PEG3: variants seen among roughly 807,000 people sequenced by gnomAD.
PEG3 encodes the protein paternally expressed 3.
In PEG3, 23 loss-of-function variants were observed where a neutral mutation model predicts 35.5. The observed-to-expected ratio is 0.65, with a 90% CI of 0.47 to 0.92. The LOEUF (loss-of-function observed/expected upper bound fraction) is 0.92, where lower values mean the gene tolerates loss of function less well. PEG3 is among the 40% of genes least tolerant of loss of function. The pLI is 0.00. For missense variants in PEG3, 1,960 were observed against 1,985.3 expected (o/e 0.99, Z 0.24); for synonymous variants, 707 against 697.0 (o/e 1.01, Z -0.23).
Position 56,824,281 on chromosome 19 carries a change from C to A in PEG3, c.375G>T (p.Lys125Asn), listed in dbSNP as rs1194431417. The change falls in exon 4 of 10, where the codon AAG becomes AAT. Residue 125 changes from lysine (K) to asparagine (N), a missense_variant. Physicochemically the swap from Lys to Asn is moderately conservative, Grantham distance 94. This residue lies in a region of PEG3 where 613 missense variants were observed against 577.1 expected (regional missense o/e 1.06). Transcript: ENST00000326441. The part of the protein sequence containing the change: ...EKLVTLLENY[K>N]EMYQPEDDNN... The stretch of plus-strand genomic sequence containing the variant: ...TCTCACCTTCTGGTTGGTACATCTC[C>A]TTGTAATTCTCCAGCAGAGTGACGA... 7 of 1,613,892 alleles carry A rather than the reference C, an allele frequency of 4.3e-6. No individual in the cohort carries two copies. Among genetic ancestry groups the A allele is most frequent in the Non-Finnish European group, 5.9e-6 (7 of 1,180,016 alleles).
rs181236272 is a variant in PEG3, at chr19:56,819,297, T to A, written c.670-595A>T. On this transcript the variant is annotated intron_variant, in intron 7 of 9. Coordinates refer to ENST00000326441, the MANE Select transcript of PEG3 (RefSeq NM_006210.3). ...TGGCTACATTGAGGGAGTCTCCAGT[T>A]TGCACAATTTCCAAATCACCCAGGA... 3.1e-3 allele frequency among the ~76,000 whole-genome samples: 467 copies of A among 152,348 alleles called. 5 individuals carry two copies. The highest frequency in any genetic ancestry group is 0.025 in the Admixed American group (383 of 15,312).
At position 56,810,304 on chromosome 19, in the gene PEG3, G is replaced by A. The variant is rs2048036483; in HGVS notation, c.*3371C>T. 1.0e-6 allele frequency: 1 copy of A among 981,582 alleles called. No individual in the cohort carries two copies. Among genetic ancestry groups the A allele is most frequent in the Non-Finnish European group, 1.2e-6 (1 of 826,580 alleles). The allele number at this position is 981,582 out of a possible 1,614,324, so 60.8% of individuals were successfully genotyped here. On this transcript the variant is annotated 3_prime_UTR_variant, in exon 10 of 10. Coordinates refer to ENST00000326441, the MANE Select transcript of PEG3 (RefSeq NM_006210.3). The stretch of plus-strand genomic sequence containing the variant: ...CATTTCATATATAATGGAAATATAT[G>A]TAGTAAAGGTGGACTACCAAAACAC...
intron 8 of PEG3, 72 bp downstream of exon 8, chr19:56,818,528 C>T: frequency 6.5e-7 from 1 of 1,539,658 alleles, no homozygotes; most frequent in South Asian, 1.1e-5. Context: ...TAACATCCAG[C>T]TTAAAAAGGA....
rs1368961971 is a variant in PEG3, at chr19:56,813,567, A to G, written c.*108T>C. ...AGATGTTAAGTCAGGTGTGTAACACACTAAGGTTAAGTCTCCTACTGACAT... is the reference window on the plus strand; with the variant it reads ...AGATGTTAAGTCAGGTGTGTAACACGCTAAGGTTAAGTCTCCTACTGACAT... On this transcript the variant is annotated 3_prime_UTR_variant, in exon 10 of 10. Coordinates refer to ENST00000326441, the MANE Select transcript of PEG3 (RefSeq NM_006210.3). The G allele has an allele frequency of 3.4e-6, 5 of 1,464,658 alleles. No individual in the cohort carries two copies. The highest frequency in any genetic ancestry group is 2.7e-5 in the Admixed American group (1 of 37,690). The allele number at this position is 1,464,658 out of a possible 1,614,324, so 90.7% of individuals were successfully genotyped here.
In PEG3 at chr19:56,812,906, C is replaced by A. The variant is rs1249413739; in HGVS notation, c.*769G>T. 2.0e-6 allele frequency: 2 copies of A among 985,256 alleles called. No individual in the cohort carries two copies. Among genetic ancestry groups the A allele is most frequent in the African/African-American group, 1.8e-5 (1 of 57,092 alleles). 61.0% of individuals were successfully genotyped at this position (985,256 alleles called of 1,614,324 possible). On this transcript the variant is annotated 3_prime_UTR_variant, in exon 10 of 10. Transcript: ENST00000326441. Reference sequence around the variant, plus strand: ...ACATAACATGTGGCAACCAATCAATCTGGGTCACAAAAAGCCAATCCGTAT... The same window carrying A: ...ACATAACATGTGGCAACCAATCAATATGGGTCACAAAAAGCCAATCCGTAT...
Position 56,815,811 on chromosome 19 carries a change from G to A in PEG3, c.2631C>T (p.Ala877=). The A allele has an allele frequency of 6.2e-7, 1 of 1,613,448 alleles. No individual in the cohort carries two copies. The highest frequency in any genetic ancestry group is 8.5e-7 in the Non-Finnish European group (1 of 1,179,532). Residue 877 remains alanine, a synonymous_variant, in exon 10 of 10, where the codon GCC becomes GCT. Transcript: ENST00000326441. ...TGCCCCCTTCACAAGGGTTCTCTCT[G>A]GCAGGAATCTTCTGTCGCTTATCAT... is the stretch of plus-strand genomic sequence containing the variant. ...DLNDKRQKIP[A]RENPCEGGSK... is the part of the protein sequence containing the mutation.
intron 2 of PEG3, among the ~76,000 whole-genome samples, chr19:56,830,363 C>T (rs1455399837): frequency 6.6e-6 from 1 of 152,312 alleles, no homozygotes; most frequent in Admixed American, 6.5e-5. Context: ...GGGGAGCCCA[C>T]AAGCAGTATT....
Position 56,821,680 on chromosome 19 carries a change from C to A in PEG3, c.640G>T (p.Asp214Tyr), listed in dbSNP as rs193294015. ...GATCGGGACTCATAAGCCCTGGAGTCCCTGTCGTCCTCTCTGTCCATTTCA... is the reference window on the plus strand; with the variant it reads ...GATCGGGACTCATAAGCCCTGGAGTACCTGTCGTCCTCTCTGTCCATTTCA... Reference protein sequence around the residue: ...SFEMDREDDRDSRAYESRSQD... With the variant: ...SFEMDREDDRYSRAYESRSQD... Residue 214 changes from aspartate to tyrosine, a missense_variant, in exon 7 of 10, where the codon GAC (aspartate) becomes TAC (tyrosine). This residue lies in a region of PEG3 where 613 missense variants were observed against 577.1 expected (regional missense o/e 1.06). Coordinates refer to ENST00000326441, the MANE Select transcript of PEG3 (RefSeq NM_006210.3). 1.2e-6 allele frequency: 2 copies of A among 1,613,880 alleles called. No homozygotes were observed. The highest frequency in any genetic ancestry group is 1.7e-6 in the Non-Finnish European group (2 of 1,180,016).
In PEG3 at chr19:56,813,443, G is replaced by A. The variant is rs2059680163; in HGVS notation, c.*232C>T. On this transcript the variant is annotated 3_prime_UTR_variant, in exon 10 of 10. Coordinates refer to ENST00000326441, the MANE Select transcript of PEG3 (RefSeq NM_006210.3). ...ATCTGATTACTTGGAAAGGTAAGAT[G>A]TGTGCTATGGCTTTCCCACATGCAG... is the stretch of plus-strand genomic sequence containing the variant. The A allele has an allele frequency of 2.2e-6, 3 of 1,350,046 alleles. No individual in the cohort carries two copies. The highest frequency in any genetic ancestry group is 2.8e-4 in the Middle Eastern group (1 of 3,580). The allele number at this position is 1,350,046 out of a possible 1,614,324, so 83.6% of individuals were successfully genotyped here. A position where few individuals can be genotyped will look rare whatever the true frequency, so the allele number is the denominator to read the frequency against.
At chr19:56,829,538 A>T (rs1293328710) in intron 2 of PEG3, among the ~76,000 whole-genome samples, 1 of 152,188 alleles carries the variant, frequency 6.6e-6, no homozygotes, top group Non-Finnish European at 1.5e-5. Context: ...ATGTAACCAC[A>T]GTCCTAACAC....
chr19:56,813,838 G>A lies in PEG3; in HGVS notation c.4604C>T (p.Pro1535Leu), dbSNP rs780565073. ...KTHASMIIFEPANAFGECSGY... is the reference protein window; with the variant it reads ...KTHASMIIFELANAFGECSGY... ...TGAGCACTCCCCAAAGGCATTTGCA[G>A]GCTCAAATATGATCATGCTGGCATG... The change falls in exon 10 of 10, where the codon CCT (proline) becomes CTT (leucine). Residue 1535 changes from proline (P) to leucine (L), a missense_variant. By Grantham distance (98) the Pro-to-Leu change is moderately conservative. This residue lies in a region of PEG3 where 416 missense variants were observed against 416.7 expected (regional missense o/e 1.00). Coordinates refer to ENST00000326441, the MANE Select transcript of PEG3 (RefSeq NM_006210.3). 1 of 1,614,156 alleles carries A rather than the reference G, an allele frequency of 6.2e-7. No homozygotes were observed. Among genetic ancestry groups the A allele is most frequent in the South Asian group, 1.1e-5 (1 of 91,088 alleles).
In PEG3 at chr19:56,816,194, A is replaced by G. The variant is rs1213772659; in HGVS notation, c.2248T>C (p.Phe750Leu). The G allele has an allele frequency of 6.2e-7, 1 of 1,614,080 alleles. No individual in the cohort carries two copies. Among genetic ancestry groups the G allele is most frequent in the Non-Finnish European group, 8.5e-7 (1 of 1,180,024 alleles). The change falls in exon 10 of 10, where the codon TTC becomes CTC. Residue 750 changes from phenylalanine to leucine, a missense_variant. Physicochemically the swap from Phe to Leu is conservative, Grantham distance 22. This residue lies in a region of PEG3 where 798 missense variants were observed against 782.4 expected (regional missense o/e 1.02). Coordinates refer to ENST00000326441, the MANE Select transcript of PEG3 (RefSeq NM_006210.3). ...PLESDEDEKA[F>L]TISSNPYENQ... ...TCATAGGGGTTAGAGCTAATGGTGAACGCCTTTTCGTCCTCATCACTTTCA... is the reference window on the plus strand; with the variant it reads ...TCATAGGGGTTAGAGCTAATGGTGAGCGCCTTTTCGTCCTCATCACTTTCA...
Position 56,813,329 on chromosome 19 carries a change from C to T in PEG3, c.*346G>A, listed in dbSNP as rs2059670606. On this transcript the variant is annotated 3_prime_UTR_variant, in exon 10 of 10. Coordinates refer to ENST00000326441, the MANE Select transcript of PEG3 (RefSeq NM_006210.3). ...ATAATTTGCTATTTTATATACACCTCATGAAACACTATATATACGTTACAC... is the reference window on the plus strand; with the variant it reads ...ATAATTTGCTATTTTATATACACCTTATGAAACACTATATATACGTTACAC... 1 of 1,005,612 alleles carries T rather than the reference C, an allele frequency of 9.9e-7. No homozygotes were observed. Among genetic ancestry groups the T allele is most frequent in the African/African-American group, 1.7e-5 (1 of 59,102 alleles). The allele number at this position is 1,005,612 out of a possible 1,614,324, so 62.3% of individuals were successfully genotyped here.
chr19:56,817,066 C>T lies in PEG3; in HGVS notation c.1376G>A (p.Arg459Lys), dbSNP rs758483218. The T allele has an allele frequency of 5.0e-6, 8 of 1,614,048 alleles. No individual in the cohort carries two copies. In the South Asian group the frequency reaches 7.7e-5, roughly 16 times the overall value. ...AMPYVCDECG[R>K]SFSVISEFVE... The stretch of plus-strand genomic sequence containing the variant: ...AAATTCTGAGATGACACTGAACGAC[C>T]TCCCACACTCATCACATACATATGG... The change falls in exon 10 of 10, where the codon AGG becomes AAG. Residue 459 changes from arginine (R) to lysine (K), a missense_variant. By Grantham distance (26) the Arg-to-Lys change is conservative. Coordinates refer to ENST00000326441, the MANE Select transcript of PEG3 (RefSeq NM_006210.3).
Position 56,824,682 on chromosome 19 carries a change from G to A in PEG3, c.-27C>T. ...TCTCTAAGTAAAATTTTCACTGGAG[G>A]AACCAAACATGAGTCAACAGGAAAG... is the stretch of plus-strand genomic sequence containing the variant. On this transcript the variant is annotated 5_prime_UTR_variant, in exon 4 of 10. Coordinates refer to ENST00000326441, the MANE Select transcript of PEG3 (RefSeq NM_006210.3). The A allele has an allele frequency of 6.3e-7, 1 of 1,577,672 alleles. No homozygotes were observed. The highest frequency in any genetic ancestry group is 8.6e-7 in the Non-Finnish European group (1 of 1,160,194).
At position 56,810,312 on chromosome 19, in the gene PEG3, G is replaced by C; in HGVS notation, c.*3363C>G. 1.0e-6 allele frequency: 1 copy of C among 983,092 alleles called. No individual in the cohort carries two copies. The highest frequency in any genetic ancestry group is 1.2e-6 in the Non-Finnish European group (1 of 827,880). 60.9% of individuals were successfully genotyped at this position (983,092 alleles called of 1,614,324 possible). A position where few individuals can be genotyped will look rare whatever the true frequency, so the allele number is the denominator to read the frequency against. The stretch of plus-strand genomic sequence containing the variant: ...ATATAATGGAAATATATGTAGTAAA[G>C]GTGGACTACCAAAACACTAGAATGA... On this transcript the variant is annotated 3_prime_UTR_variant, in exon 10 of 10. Coordinates refer to ENST00000326441, the MANE Select transcript of PEG3 (RefSeq NM_006210.3).
intron 1 of PEG3, among the ~76,000 whole-genome samples, chr19:56,838,454 G>T (rs543097338): frequency 6.6e-6 from 1 of 152,112 alleles, no homozygotes. Flanking sequence ...GAACGGTCCC[G>T]GGCCCCAGCC....
In PEG3 at chr19:56,815,732, G is replaced by T; in HGVS notation, c.2710C>A (p.Pro904Thr). The T allele has an allele frequency of 6.2e-7, 1 of 1,614,140 alleles. No individual in the cohort carries two copies. The highest frequency in any genetic ancestry group is 2.2e-5 in the East Asian group (1 of 44,888). Residue 904 changes from proline (P) to threonine (T), a missense_variant, in exon 10 of 10, where the codon CCT becomes ACT. Transcript: ENST00000326441. ...SVIQSVFRAK[P>T]QKSVPGEGSG... The stretch of plus-strand genomic sequence containing the variant: ...CCCTCTCCAGGAACACTTTTCTGAG[G>T]TTTGGCACGGAATACACTCTGTATG...
chr19:56,829,299 G>A lies in PEG3; in HGVS notation c.-162-2836C>T, dbSNP rs142372478. ...GCAGAGGTTGCAGTGAGCCAAAATC[G>A]CACCACTGCGCTCCAGCCTGGGCAA... On this transcript the variant is annotated intron_variant, in intron 2 of 9. Coordinates refer to ENST00000326441, the MANE Select transcript of PEG3 (RefSeq NM_006210.3). 2.8e-3 allele frequency among the ~76,000 whole-genome samples: 397 copies of A among 142,088 alleles called. 1 individual carries two copies. Among genetic ancestry groups the A allele is most frequent in the African/African-American group, 9.7e-3 (369 of 38,096 alleles). 93.2% of individuals were successfully genotyped at this position (142,088 alleles called of 152,430 possible).
Sources: allele counts gnomAD v4.1 joint callset (sites outside exome capture counted in the v4.1 genomes callset), GRCh38; gene constraint gnomAD v4.1.1; regional missense constraint gnomAD v4.1.1; transcripts MANE v1.5; gene names NCBI Gene and HGNC (gene_info 2026-07-23, HGNC 2026-07-21).